TLN2: variants seen among roughly 807,000 people sequenced by gnomAD.
The protein encoded by TLN2 is talin-2.
A neutral mutation model predicts 294.7 loss-of-function variants in TLN2; 118 were observed. That is an observed-to-expected ratio of 0.40 (90% CI 0.34 to 0.47). The LOEUF (loss-of-function observed/expected upper bound fraction) is 0.47. TLN2 is among the 20% of genes least tolerant of loss of function. The probability of loss-of-function intolerance (pLI) is 0.84; values close to 1 mark genes in which losing one functional copy is unlikely to be tolerated. For synonymous variants in TLN2, 1,431 were observed against 1,304.5 expected (o/e 1.10, Z -2.09); for missense variants, 3,083 against 3,282.2 (o/e 0.94, Z 1.48).
chr15:62,495,781 A>T (rs1406164902), intron 1 of TLN2, among the ~76,000 whole-genome samples: 2 of 152,134 alleles, frequency 1.3e-5, no homozygotes, highest in African/African-American at 4.8e-5. Flanking sequence ...ATTCCACTTG[A>T]TCCCTTTTAT....
At chr15:62,558,177 CTG>C (rs1287426150) in intron 1 of TLN2, among the ~76,000 whole-genome samples, 7 of 152,308 alleles carry the variant, frequency 4.6e-5, no homozygotes, top group African/African-American at 1.4e-4. Context: ...GTCTACATAA[CTG>C]TGGACATTTT....
intron 48 of TLN2, among the ~76,000 whole-genome samples, chr15:62,797,868 C>T (rs1275342286): frequency 6.6e-6 from 1 of 152,144 alleles, no homozygotes; most frequent in African/African-American, 2.4e-5. Flanking sequence ...GCGACTGTTG[C>T]CATAGAGGTA....
chr15:62,711,838 G>A, intron 21 of TLN2, 73 bp from the exon 22 acceptor site: 1 of 1,509,406 alleles, frequency 6.6e-7, no homozygotes, highest in African/African-American at 1.4e-5. Context: ...AGACAAGACT[G>A]TAGTGGCTCC....
chr15:62,409,180 T>G (rs1203579723), intron 1 of TLN2, among the ~76,000 whole-genome samples: 1 of 147,706 alleles, frequency 6.8e-6, no homozygotes, highest in Non-Finnish European at 1.5e-5. Context: ...CCATGTCGCT[T>G]ATGGCCAGTC....
intron 3 of TLN2, chr15:62,644,682 C>G (rs1393893701): frequency 2.3e-6 from 1 of 431,096 alleles, no homozygotes. Context: ...TGCAGGGCTC[C>G]CTCCTTTGAT....
In TLN2 at chr15:62,690,588, G is replaced by A. The variant is rs1445145693; in HGVS notation, c.1114-2252G>A. 99 of 166,032 alleles carry A rather than the reference G, an allele frequency of 6.0e-4. 2 individuals are homozygous for A. Among genetic ancestry groups the A allele is most frequent in the Admixed American group, 4.6e-3 (72 of 15,524 alleles). The allele number at this position is 166,032 out of a possible 1,614,324, so 10.3% of individuals were successfully genotyped here. A position where few individuals can be genotyped will look rare whatever the true frequency, so the allele number is the denominator to read the frequency against. ...AGACGATGGGCGGCCAGGCAGAGAC[G>A]CTCCTTACTTCCCAGACGGGGTGGC... On this transcript the variant is annotated intron_variant, in intron 12 of 58. Coordinates refer to ENST00000636159, the MANE Select transcript of TLN2 (RefSeq NM_015059.3).
Position 62,835,680 on chromosome 15 carries a change from G to T in TLN2, c.7129-57G>T, listed in dbSNP as rs541929520. On this transcript the variant is annotated intron_variant, in intron 55 of 58. Transcript: ENST00000636159. ...CCCGAGCAAGGTCTGGGGATGAGGG[G>T]CTGCGACCACTGGGGCTGCCTGCCC... 4 of 1,593,498 alleles carry T rather than the reference G, an allele frequency of 2.5e-6. No individual in the cohort carries two copies. In the African/African-American group the frequency reaches 5.4e-5, roughly 21 times the overall value.
At chr15:62,482,560 C>G (rs995418517) in intron 1 of TLN2, among the ~76,000 whole-genome samples, 5 of 146,642 alleles carry the variant, frequency 3.4e-5, no homozygotes, top group Non-Finnish European at 5.9e-5. Context: ...CGAGATCGTG[C>G]CATCGCACTC....
intron 57 of TLN2, chr15:62,838,021 G>A (rs911160093): frequency 6.6e-5 from 10 of 152,182 alleles, no homozygotes; most frequent in African/African-American, 2.4e-4. Context: ...CATGTCCCTG[G>A]GGACATGTTT....
In TLN2 at chr15:62,796,208, A is replaced by G. The variant is rs369581430; in HGVS notation, c.5965A>G (p.Ile1989Val). 3.4e-5 allele frequency: 55 copies of G among 1,614,108 alleles called. No individual in the cohort carries two copies. The highest frequency in any genetic ancestry group is 4.2e-5 in the Non-Finnish European group (50 of 1,180,042). The change falls in exon 47 of 59, where the codon ATC (isoleucine) becomes GTC (valine). Residue 1989 changes from isoleucine to valine, a missense_variant. By Grantham distance (29) the Ile-to-Val change is conservative (BLOSUM62 3). Transcript: ENST00000636159. ...CITAATAVSG[I>V]IADLDTTIMF... ...TACAGCCGCCACCGCTGTGTCTGGG[A>G]TCATTGCCGACCTGGACACCACCAT...
chr15:62,595,488 C>T (rs1596289737), intron 2 of TLN2, among the ~76,000 whole-genome samples: 1 of 150,448 alleles, frequency 6.6e-6, no homozygotes, highest in Middle Eastern at 3.2e-3. Context: ...GCTTGTACAT[C>T]ACTGGAAAGA....
intron 12 of TLN2, among the ~76,000 whole-genome samples, chr15:62,691,410 G>A (rs755361431): frequency 8.1e-4 from 123 of 151,724 alleles, no homozygotes; most frequent in Non-Finnish European, 2.4e-4. Context: ...TTTGGTTATT[G>A]CCTTTTTCAG....
intron 1 of TLN2, among the ~76,000 whole-genome samples, chr15:62,574,403 C>A (rs920904402): frequency 6.6e-6 from 1 of 151,104 alleles, no homozygotes; most frequent in Non-Finnish European, 1.5e-5. Context: ...TAGCTAGACC[C>A]CGCCTCTTCA....
intron 2 of TLN2, among the ~76,000 whole-genome samples, chr15:62,608,336 T>G (rs115979147): frequency 2.0e-5 from 3 of 152,160 alleles, no homozygotes; most frequent in African/African-American, 7.2e-5. Context: ...CTAAGAATAG[T>G]GGGCATCCAT....
At position 62,498,045 on chromosome 15, in the gene TLN2, C is replaced by T. The variant is rs140827048; in HGVS notation, c.-237-91642C>T. Among the ~76,000 whole-genome samples the T allele has an allele frequency of 4.9e-3, 730 of 149,862 alleles. 6 individuals carry two copies. The highest frequency in any genetic ancestry group is 0.017 in the African/African-American group (700 of 40,808). On this transcript the variant is annotated intron_variant, in intron 1 of 58. Coordinates refer to ENST00000636159, the MANE Select transcript of TLN2 (RefSeq NM_015059.3). ...GGCAGATCGCTTGAGCTCAGGAGTT[C>T]GAGAGCAGCCTGGGTAACATGTTGA...
At chr15:62,698,445 C>G (rs1458146190) in intron 15 of TLN2, among the ~76,000 whole-genome samples, 2 of 152,208 alleles carry the variant, frequency 1.3e-5, no homozygotes, top group Non-Finnish European at 1.5e-5. Flanking sequence ...CCTCAGTACT[C>G]AAAGATTGGA....
chr15:62,602,504 T>C (rs1200614700), intron 2 of TLN2, among the ~76,000 whole-genome samples: 1 of 152,250 alleles, frequency 6.6e-6, no homozygotes, highest in African/African-American at 2.4e-5. Flanking sequence ...TATGAAATCT[T>C]ACTCTGTAGT....
At chr15:62,744,837 C>T (rs566794109) in intron 32 of TLN2, among the ~76,000 whole-genome samples, 3 of 152,152 alleles carry the variant, frequency 2.0e-5, no homozygotes, top group Non-Finnish European at 4.4e-5. Context: ...TGAGTCACCG[C>T]GCCTGGCCTA....
At chr15:62,429,370 A>C (rs1167505945) in intron 1 of TLN2, among the ~76,000 whole-genome samples, 2 of 152,130 alleles carry the variant, frequency 1.3e-5, no homozygotes, top group Non-Finnish European at 2.9e-5. Flanking sequence ...TCGAAAATCG[A>C]AAGACTTATC....
Sources: allele counts gnomAD v4.1 joint callset (sites outside exome capture counted in the v4.1 genomes callset), GRCh38; gene constraint gnomAD v4.1.1; transcripts MANE v1.5; gene names NCBI Gene and HGNC (gene_info 2026-07-23, HGNC 2026-07-21).